The following MICU3 variants were observed in gnomAD, a reference collection of about 807,000 sequenced individuals.
MICU3 encodes the protein calcium uptake protein 3, mitochondrial.
Under a neutral mutation model 66.5 loss-of-function variants are expected in MICU3, and 62 were observed. That is an observed-to-expected ratio of 0.93 (90% confidence interval 0.76 to 1.15). The LOEUF (loss-of-function observed/expected upper bound fraction) is 1.15, where lower values mean the gene tolerates loss of function less well. Ranked by LOEUF, MICU3 falls within the 50% of genes most tolerant of loss-of-function variation. MICU3 has a pLI of 0.00. For synonymous variants in MICU3, 308 were observed against 240.7 expected (o/e 1.28, Z -2.59); for missense variants, 779 against 664.4 (o/e 1.17, Z -1.90).
At chr8:17,054,151 T>C (rs1816535407) in intron 1 of MICU3, among the ~76,000 whole-genome samples, 1 of 152,234 alleles carries the variant, frequency 6.6e-6, no homozygotes, top group Non-Finnish European at 1.5e-5. Flanking sequence ...ACAATGTCTA[T>C]ATTTTCCTAT....
At chr8:17,116,036 G>A (rs540501682) in intron 12 of MICU3, among the ~76,000 whole-genome samples, 3 of 152,162 alleles carry the variant, frequency 2.0e-5, no homozygotes, top group Non-Finnish European at 4.4e-5. Flanking sequence ...AAACACAGAA[G>A]TGATCACTCA....
At chr8:17,079,213 A>G (rs1262233564) in intron 4 of MICU3, among the ~76,000 whole-genome samples, 2 of 122,932 alleles carry the variant, frequency 1.6e-5, no homozygotes, top group Admixed American at 1.6e-4. Context: ...CTCTGTTTCT[A>G]TGCTGTCTCT....
Position 17,105,494 on chromosome 8 carries a change from A to C in MICU3, c.1167A>C (p.Glu389Asp). 4.4e-6 allele frequency: 7 copies of C among 1,575,420 alleles called. No individual in the cohort carries two copies. Among genetic ancestry groups the C allele is most frequent in the Non-Finnish European group, 6.1e-6 (7 of 1,156,310 alleles). The change falls in exon 11 of 15, where the codon GAA becomes GAC. Residue 389 changes from glutamate (E) to aspartate (D), a missense_variant. Transcript: ENST00000318063. Reference protein sequence around the residue: ...YSNGMNTISEEDFAHILLRYT... With the variant: ...YSNGMNTISEDDFAHILLRYT... The stretch of plus-strand genomic sequence containing the variant: ...ATGGAATGAATACCATCAGTGAAGA[A>C]GATTTTGCTCATATTCTTTTACGAT...
At chr8:17,129,555 G>T in the MICU3 span, among the ~76,000 whole-genome samples, 2 of 152,110 alleles carry the variant, frequency 1.3e-5, no homozygotes, top group South Asian at 2.1e-4. Flanking sequence ...CAGAAGAAAT[G>T]ATCAGTAAAC....
chr8:17,051,822 C>T (rs749535223), intron 1 of MICU3, among the ~76,000 whole-genome samples: 3 of 152,028 alleles, frequency 2.0e-5, no homozygotes, highest in African/African-American at 4.8e-5. Context: ...ATGTAAACAA[C>T]ACTCTCCAGT....
chr8:17,038,027 C>T (rs938976923), intron 1 of MICU3, among the ~76,000 whole-genome samples: 1 of 152,152 alleles, frequency 6.6e-6, no homozygotes, highest in Non-Finnish European at 1.5e-5. Flanking sequence ...AAGTAACTTG[C>T]TTTTGATTTT....
At chr8:17,074,457 C>T (rs1411161452) in intron 3 of MICU3, among the ~76,000 whole-genome samples, 2 of 151,930 alleles carry the variant, frequency 1.3e-5, no homozygotes, top group East Asian at 1.9e-4. Flanking sequence ...GGAAAATATG[C>T]TCACTATAAT....
At chr8:17,138,501 G>T in the MICU3 span, among the ~76,000 whole-genome samples, 1 of 152,078 alleles carries the variant, frequency 6.6e-6, no homozygotes, top group South Asian at 2.1e-4. Flanking sequence ...AAAAATGCAA[G>T]AATTTGCAAA....
At position 17,120,617 on chromosome 8, in the gene MICU3, A is replaced by T. The variant is rs959750216; in HGVS notation, c.*330A>T. On this transcript the variant is annotated 3_prime_UTR_variant, in exon 15 of 15. Coordinates refer to ENST00000318063, the MANE Select transcript of MICU3 (RefSeq NM_181723.3). ...TACTTTCAATATTATTTTTTTATTT[A>T]TTCATTAGAAATTTTCCTCATTTCA... 5.0e-4 allele frequency: 76 copies of T among 152,408 alleles called. No individual in the cohort carries two copies. Among genetic ancestry groups the T allele is most frequent in the African/African-American group, 1.8e-3 (73 of 41,428 alleles). The allele number at this position is 152,408 out of a possible 1,614,324, so 9.4% of individuals were successfully genotyped here. A position where few individuals can be genotyped will look rare whatever the true frequency, so the allele number is the denominator to read the frequency against.
chr8:17,086,486 G>A (rs1285685613), intron 6 of MICU3, among the ~76,000 whole-genome samples: 3 of 152,010 alleles, frequency 2.0e-5, no homozygotes, highest in South Asian at 2.1e-4. Flanking sequence ...GGGAGATGGC[G>A]GTTTTCAATT....
At chr8:17,069,742 T>A in intron 3 of MICU3, 23 bp downstream of exon 3, 1 of 1,410,402 alleles carries the variant, frequency 7.1e-7, no homozygotes, top group Non-Finnish European at 9.6e-7. Flanking sequence ...TCTTGGTAGA[T>A]ATACACAAAT....
At chr8:17,135,091 C>T in the MICU3 span, among the ~76,000 whole-genome samples, 3 of 152,032 alleles carry the variant, frequency 2.0e-5, no homozygotes, top group Non-Finnish European at 4.4e-5. Flanking sequence ...ATATGCATAC[C>T]TATTGTTGCT....
intron 1 of MICU3, among the ~76,000 whole-genome samples, chr8:17,048,942 A>G (rs1465138340): frequency 6.6e-6 from 1 of 152,152 alleles, no homozygotes; most frequent in Non-Finnish European, 1.5e-5. Context: ...GCCTGGGTGC[A>G]TATACTCTGT....
chr8:17,116,325 G>C, intron 12 of MICU3, 118 bp from the exon 13 acceptor site: 1 of 609,846 alleles, frequency 1.6e-6, no homozygotes. Context: ...GGAAGGCCAT[G>C]TTGCATAAGA....
At chr8:17,131,542 C>T in the MICU3 span, 1 of 152,466 alleles carries the variant, frequency 6.6e-6, no homozygotes, top group Non-Finnish European at 1.5e-5. Flanking sequence ...GCAGGACGGC[C>T]CTGGGATTCT....
chr8:17,137,035 A>G, the MICU3 span, among the ~76,000 whole-genome samples: 2 of 151,922 alleles, frequency 1.3e-5, no homozygotes, highest in South Asian at 2.1e-4. Context: ...GGGTTTCACC[A>G]TGTTGGCCAG....
At chr8:17,116,952 T>C (rs1447508048) in intron 13 of MICU3, among the ~76,000 whole-genome samples, 2 of 152,100 alleles carry the variant, frequency 1.3e-5, no homozygotes, top group African/African-American at 4.8e-5. Flanking sequence ...ATATCACTAT[T>C]TGTCACTTTA....
intron 1 of MICU3, among the ~76,000 whole-genome samples, chr8:17,060,260 G>C (rs1042016988): frequency 6.6e-6 from 1 of 151,324 alleles, no homozygotes; most frequent in South Asian, 2.1e-4. Flanking sequence ...TCTGGGATCA[G>C]ACCAATTTAC....
downstream of MICU3, among the ~76,000 whole-genome samples, chr8:17,122,828 T>C (rs554208079): frequency 6.6e-6 from 1 of 152,156 alleles, no homozygotes; most frequent in African/African-American, 2.4e-5. Context: ...CACAGAGCTA[T>C]AAGGCTTCTC....
Sources: allele counts gnomAD v4.1 joint callset (sites outside exome capture counted in the v4.1 genomes callset), GRCh38; gene constraint gnomAD v4.1.1; transcripts MANE v1.5; gene names NCBI Gene and HGNC (gene_info 2026-07-23, HGNC 2026-07-21).